Variants in NCOA1 observed in about 807,000 individuals in gnomAD.
NCOA1 encodes the protein nuclear receptor coactivator 1.
In NCOA1, 35 loss-of-function variants were observed where a neutral mutation model predicts 150.9. That is an observed-to-expected ratio of 0.23 (90% CI 0.18 to 0.31). NCOA1 has a LOEUF of 0.31. Ranked by LOEUF, NCOA1 falls within the 10% of genes least tolerant of loss-of-function variation. The pLI, the probability that NCOA1 is intolerant of heterozygous loss-of-function variation, is 1.00. For missense variants in NCOA1, 1,491 were observed against 1,749.3 expected, an observed-to-expected ratio of 0.85 and a Z score of 2.63; for synonymous variants, 590 against 630.0, an observed-to-expected ratio of 0.94 and a Z score of 0.95.
chr2:24,691,785 G>A, intron 9 of NCOA1, 125 bp downstream of exon 9: 1 of 863,840 alleles, frequency 1.2e-6, no homozygotes, highest in Non-Finnish European at 1.7e-6. Context: ...TATCATAGTG[G>A]CTATTCCATT....
At chr2:24,695,400 G>A (rs1000753678) in intron 10 of NCOA1, among the ~76,000 whole-genome samples, 1 of 152,092 alleles carries the variant, frequency 6.6e-6, no homozygotes, top group Non-Finnish European at 1.5e-5. Context: ...GACACCTTTA[G>A]GCCCTAATGT....
intron 10 of NCOA1, among the ~76,000 whole-genome samples, chr2:24,696,862 CATTA>C (rs1314332085): frequency 2.6e-5 from 4 of 151,764 alleles, no homozygotes; most frequent in African/African-American, 7.2e-5. Context: ...GTTTTTATCT[CATTA>C]ATTCTTAATT....
At position 24,586,302 on chromosome 2, in the gene NCOA1, A is replaced by T. The variant is rs964369251; in HGVS notation, c.-175+1742A>T. ...AAAAAAAAAAAAAAAAAAAAAAAAA[A>T]TTAGCTGGGCCGGTGATGTGCGCCT... On this transcript the variant is annotated intron_variant, in intron 3 of 22. Coordinates refer to ENST00000348332, the MANE Select transcript of NCOA1 (RefSeq NM_003743.5). 5.2e-4 allele frequency among the ~76,000 whole-genome samples: 71 copies of T among 135,660 alleles called. No homozygotes were observed. In the East Asian group the frequency reaches 0.016, roughly 30 times the overall value. The allele number at this position is 135,660 out of a possible 152,430, so 89.0% of individuals were successfully genotyped here.
chr2:24,582,719 G>A (rs1667245676), intron 2 of NCOA1, among the ~76,000 whole-genome samples: 1 of 152,122 alleles, frequency 6.6e-6, no homozygotes, highest in African/African-American at 2.4e-5. Context: ...CTGCAAAGCA[G>A]TAGTAACCCA....
intron 1 of NCOA1, among the ~76,000 whole-genome samples, chr2:24,516,409 G>A (rs1572371242): frequency 6.6e-6 from 1 of 151,420 alleles, no homozygotes; most frequent in South Asian, 2.1e-4. Flanking sequence ...AGCCAGGATG[G>A]TCTCGATCTC....
intron 3 of NCOA1, among the ~76,000 whole-genome samples, chr2:24,643,161 C>A (rs1350078207): frequency 6.6e-5 from 10 of 152,198 alleles, no homozygotes. Flanking sequence ...CTAGTCTACT[C>A]AATTTCCAGC....
chr2:24,693,404 T>G, intron 10 of NCOA1, 57 bp downstream of exon 10: 1 of 1,358,202 alleles, frequency 7.4e-7, no homozygotes, highest in Non-Finnish European at 1.1e-6. Context: ...ACTCTGCCCT[T>G]AAAACTAATT....
At chr2:24,745,619 C>G (rs969326412) in intron 19 of NCOA1, among the ~76,000 whole-genome samples, 11 of 152,148 alleles carry the variant, frequency 7.2e-5, no homozygotes, top group African/African-American at 2.4e-4. Context: ...CCTCAGTGAT[C>G]TCTTCTCCTT....
chr2:24,765,786 A>G (rs539701933), intron 22 of NCOA1, among the ~76,000 whole-genome samples: 2 of 152,304 alleles, frequency 1.3e-5, no homozygotes, highest in South Asian at 4.1e-4. Flanking sequence ...TTGTGACAAT[A>G]TAAGAAGTCC....
At chr2:24,601,272 G>A (rs1346305536) in intron 3 of NCOA1, among the ~76,000 whole-genome samples, 1 of 152,022 alleles carries the variant, frequency 6.6e-6, no homozygotes, top group African/African-American at 2.4e-5. Context: ...GAGTACAGTG[G>A]TACAATCAGA....
chr2:24,671,921 G>T (rs905003095), intron 6 of NCOA1, among the ~76,000 whole-genome samples: 3 of 152,018 alleles, frequency 2.0e-5, no homozygotes, highest in African/African-American at 7.2e-5. Context: ...CAATGTAAAG[G>T]CTATGTAAAT....
In NCOA1 at chr2:24,583,967, G is replaced by A. The variant is rs74260973; in HGVS notation, c.-259-509G>A. Among the ~76,000 whole-genome samples the A allele has an allele frequency of 1.8e-3, 270 of 152,156 alleles. 1 individual carries two copies. The highest frequency in any genetic ancestry group is 0.017 in the East Asian group (90 of 5,184). The stretch of plus-strand genomic sequence containing the variant: ...TATAGGTTAGATAAGAATAAGTTCT[G>A]GTGTTCTGTAGCAATGTAGGGTGAC... On this transcript the variant is annotated intron_variant, in intron 2 of 22. Coordinates refer to ENST00000348332, the MANE Select transcript of NCOA1 (RefSeq NM_003743.5).
chr2:24,732,250 C>T (rs1226904430), intron 17 of NCOA1, among the ~76,000 whole-genome samples: 2 of 152,178 alleles, frequency 1.3e-5, no homozygotes, highest in African/African-American at 2.4e-5. Flanking sequence ...CTCTTTGCTT[C>T]CCTTAAATCT....
intron 3 of NCOA1, among the ~76,000 whole-genome samples, chr2:24,629,817 CATAT>C (rs57598398): frequency 0.047 from 3,720 of 79,352 alleles, 103 homozygotes; most frequent in East Asian, 0.16. Context: ...AACATACATA[CATAT>C]ATATATATAT....
chr2:24,586,485 C>T (rs1407332945), intron 3 of NCOA1, among the ~76,000 whole-genome samples: 2 of 152,042 alleles, frequency 1.3e-5, no homozygotes, highest in African/African-American at 4.8e-5. Flanking sequence ...CCATCAGGCT[C>T]AAGGGATTCT....
At chr2:24,620,329 C>T (rs1572500960) in intron 3 of NCOA1, among the ~76,000 whole-genome samples, 1 of 152,202 alleles carries the variant, frequency 6.6e-6, no homozygotes, top group African/African-American at 2.4e-5. Context: ...ATTGGCTGGG[C>T]GTGCTGGCTC....
rs534651163 is a variant in NCOA1, at chr2:24,634,751, G to A, written c.-174-9215G>A. On this transcript the variant is annotated intron_variant, in intron 3 of 22. Coordinates refer to ENST00000348332, the MANE Select transcript of NCOA1 (RefSeq NM_003743.5). Reference sequence around the variant, plus strand: ...CCCGGAGACAAGACCACACTCTTTCGCCTAGGCTGGATTGCAGTGGCACAA... The same window carrying A: ...CCCGGAGACAAGACCACACTCTTTCACCTAGGCTGGATTGCAGTGGCACAA... Among the ~76,000 whole-genome samples the A allele has an allele frequency of 1.8e-4, 20 of 108,326 alleles. 1 individual carries two copies. In the South Asian group the frequency reaches 4.7e-3, roughly 25 times the overall value. The allele number at this position is 108,326 out of a possible 152,430, so 71.1% of individuals were successfully genotyped here.
In NCOA1 at chr2:24,768,662, A is replaced by T. The variant is rs919080351; in HGVS notation, c.*271A>T. 7.7e-6 allele frequency: 2 copies of T among 258,726 alleles called. No homozygotes were observed. The highest frequency in any genetic ancestry group is 1.5e-5 in the Non-Finnish European group (2 of 136,866). The allele number at this position is 258,726 out of a possible 1,614,324, so 16.0% of individuals were successfully genotyped here. A position where few individuals can be genotyped will look rare whatever the true frequency, so the allele number is the denominator to read the frequency against. On this transcript the variant is annotated 3_prime_UTR_variant, in exon 23 of 23. Transcript: ENST00000348332. ...CAATCTATTTCTTGAGCCAAATTTAATTATTCTTATTTTTGTAATCAGTCA... is the reference window on the plus strand; with the variant it reads ...CAATCTATTTCTTGAGCCAAATTTATTTATTCTTATTTTTGTAATCAGTCA...
At chr2:24,644,799 TAAA>T (rs1670390633) in intron 4 of NCOA1, among the ~76,000 whole-genome samples, 1 of 152,192 alleles carries the variant, frequency 6.6e-6, no homozygotes, top group African/African-American at 2.4e-5. Flanking sequence ...TATACATAGA[TAAA>T]AATAAAAAAT....
Sources: gnomAD v4.1 joint callset for allele counts (sites outside exome capture counted in the v4.1 genomes callset) on GRCh38, gnomAD v4.1.1 for gene constraint, MANE v1.5 for transcripts, NCBI Gene and HGNC (gene_info 2026-07-23, HGNC 2026-07-21) for gene names.